The following AGBL4 variants were observed in gnomAD, a reference collection of about 807,000 sequenced individuals.
The protein encoded by AGBL4 is AGBL carboxypeptidase 4.
A neutral mutation model predicts 66.4 loss-of-function variants in AGBL4; 58 were observed. The ratio of observed to expected loss-of-function variants is 0.87; its 90% CI spans 0.71 to 1.09. The LOEUF is 1.09. AGBL4 is among the 50% of genes least tolerant of loss of function. The pLI, the probability that AGBL4 is intolerant of heterozygous loss-of-function variation, is 0.00. For synonymous variants in AGBL4, 234 were observed against 222.9 expected (o/e 1.05, Z -0.44); for missense variants, 579 against 631.0 (o/e 0.92, Z 0.88).
chr1:49,035,867 A>G (rs1028950698), intron 5 of AGBL4, among the ~76,000 whole-genome samples: 12 of 152,082 alleles, frequency 7.9e-5, no homozygotes, highest in Admixed American at 6.6e-4. Context: ...ACTTATTTCA[A>G]AATAAGAGGT....
At chr1:49,390,688 A>T (rs1248639852) in intron 3 of AGBL4, among the ~76,000 whole-genome samples, 1 of 152,202 alleles carries the variant, frequency 6.6e-6, no homozygotes, top group Non-Finnish European at 1.5e-5. Flanking sequence ...TATTCTTTCT[A>T]CCATAGCTTC....
Position 49,882,027 on chromosome 1 carries a change from C to T in AGBL4, c.35-30509G>A, listed in dbSNP as rs1013035020. On this transcript the variant is annotated intron_variant, in intron 1 of 13. Transcript: ENST00000371839. The stretch of plus-strand genomic sequence containing the variant: ...AGGGTTTTTATGGTTTTAGGTCTAA[C>T]GTTTAAGTCTTTAATCCATCTTGAA... Among the ~76,000 whole-genome samples the T allele has an allele frequency of 3.9e-4, 60 of 152,002 alleles. 2 individuals are homozygous for T. The highest frequency in any genetic ancestry group is 3.6e-3 in the Admixed American group (55 of 15,256).
intron 2 of AGBL4, among the ~76,000 whole-genome samples, chr1:49,831,007 G>A (rs969808494): frequency 6.6e-6 from 1 of 152,114 alleles, no homozygotes; most frequent in African/African-American, 2.4e-5. Flanking sequence ...TTCGGTTATT[G>A]TAGCTTTGTA....
chr1:48,707,182 T>C (rs570241838), intron 6 of AGBL4, among the ~76,000 whole-genome samples: 1 of 152,172 alleles, frequency 6.6e-6, no homozygotes, highest in African/African-American at 2.4e-5. Context: ...TAGTCCCAGA[T>C]ACTTGGGAGG....
At chr1:48,867,466 CA>C (rs60430479) in intron 5 of AGBL4, among the ~76,000 whole-genome samples, 50,285 of 151,912 alleles carry the variant, frequency 0.33, 8,703 homozygotes, top group East Asian at 0.7. Flanking sequence ...AGAGGTCTCT[CA>C]GACAAATTAT....
intron 1 of AGBL4, among the ~76,000 whole-genome samples, chr1:49,939,145 C>G (rs528485711): frequency 3.3e-5 from 5 of 151,328 alleles, no homozygotes; most frequent in Admixed American, 6.6e-5. Context: ...CAACTTACAA[C>G]GGACGTGAAG....
At chr1:49,851,134 C>T (rs988961545) in intron 2 of AGBL4, among the ~76,000 whole-genome samples, 3 of 152,018 alleles carry the variant, frequency 2.0e-5, no homozygotes, top group Non-Finnish European at 2.9e-5. Flanking sequence ...AAAATAATAT[C>T]TTGGAAAGTA....
chr1:49,538,509 A>G (rs189520445), intron 3 of AGBL4, among the ~76,000 whole-genome samples: 1 of 152,352 alleles, frequency 6.6e-6, no homozygotes, highest in Non-Finnish European at 1.5e-5. Context: ...ACAAAATACA[A>G]TTATTTTAAA....
At chr1:48,929,404 A>T (rs1654852661) in intron 5 of AGBL4, among the ~76,000 whole-genome samples, 1 of 152,122 alleles carries the variant, frequency 6.6e-6, no homozygotes, top group African/African-American at 2.4e-5. Context: ...TTCCTGGAGC[A>T]ATTTTCTCTA....
intron 1 of AGBL4, among the ~76,000 whole-genome samples, chr1:50,004,981 T>A (rs1247907506): frequency 6.6e-6 from 1 of 152,036 alleles, no homozygotes; most frequent in Non-Finnish European, 1.5e-5. Flanking sequence ...ATTCCAGGAA[T>A]GTAGAGCACA....
At chr1:49,573,128 GTGTC>G (rs1303985288) in intron 3 of AGBL4, among the ~76,000 whole-genome samples, 86 of 144,172 alleles carry the variant, frequency 6.0e-4, no homozygotes, top group African/African-American at 2.2e-3. Context: ...ATATATATGT[GTGTC>G]TGTGTGTGTG....
intron 4 of AGBL4, among the ~76,000 whole-genome samples, chr1:49,080,563 G>A (rs1012623382): frequency 2.0e-5 from 3 of 152,106 alleles, no homozygotes; most frequent in African/African-American, 7.2e-5. Context: ...GGCAGTCTAT[G>A]GATGTGCTCC....
chr1:48,813,493 G>A (rs1417653474), intron 6 of AGBL4, among the ~76,000 whole-genome samples: 3 of 152,180 alleles, frequency 2.0e-5, no homozygotes, highest in African/African-American at 7.2e-5. Context: ...GAAGAGAGAA[G>A]TGATTCCAGG....
intron 4 of AGBL4, among the ~76,000 whole-genome samples, chr1:49,116,732 AC>A (rs1418480468): frequency 6.6e-6 from 1 of 152,196 alleles, no homozygotes; most frequent in Non-Finnish European, 1.5e-5. Context: ...TTGGGTATAT[AC>A]CCAGTAATGG....
intron 4 of AGBL4, among the ~76,000 whole-genome samples, chr1:49,079,118 G>A (rs749644579): frequency 1.3e-5 from 2 of 152,090 alleles, no homozygotes; most frequent in Non-Finnish European, 2.9e-5. Context: ...GGTCTGCACA[G>A]GGCCTAGCAC....
intron 4 of AGBL4, among the ~76,000 whole-genome samples, chr1:49,135,400 G>A (rs1236474291): frequency 3.3e-5 from 5 of 152,042 alleles, no homozygotes; most frequent in Admixed American, 2.6e-4. Flanking sequence ...AGTTCAGTCT[G>A]GGAGACCCTG....
chr1:48,796,775 G>T (rs1447443668), intron 6 of AGBL4, among the ~76,000 whole-genome samples: 1 of 152,132 alleles, frequency 6.6e-6, no homozygotes, highest in Non-Finnish European at 1.5e-5. Context: ...AGCAATCTTG[G>T]TTACAGATTG....
chr1:49,611,877 A>T (rs1645161958), intron 3 of AGBL4, among the ~76,000 whole-genome samples: 1 of 152,228 alleles, frequency 6.6e-6, no homozygotes, highest in African/African-American at 2.4e-5. Context: ...AAATATTTTT[A>T]AAAATACAAT....
intron 1 of AGBL4, among the ~76,000 whole-genome samples, chr1:49,872,420 T>C (rs141417993): frequency 8.7e-4 from 133 of 152,176 alleles, no homozygotes; most frequent in African/African-American, 3.1e-3. Flanking sequence ...TTAAGAACAA[T>C]GAGGCTGATC....
Sources: allele counts gnomAD v4.1 joint callset (sites outside exome capture counted in the v4.1 genomes callset), GRCh38; gene constraint gnomAD v4.1.1; transcripts MANE v1.5; gene names NCBI Gene and HGNC (gene_info 2026-07-23, HGNC 2026-07-21).